The following GRIN2B variants were observed in gnomAD, a reference collection of about 807,000 sequenced individuals.
The protein encoded by GRIN2B is glutamate receptor ionotropic, NMDA 2B.
Under a neutral mutation model 114.5 loss-of-function variants are expected in GRIN2B, and 5 were observed. The observed-to-expected ratio is 0.04, with a 90% CI of 0.02 to 0.09. The LOEUF is 0.09. Ranked by LOEUF, GRIN2B falls within the 10% of genes least tolerant of loss-of-function variation. The pLI, the probability that GRIN2B is intolerant of heterozygous loss-of-function variation, is 1.00. For missense variants in GRIN2B, 1,108 were observed against 1,943.5 expected (o/e 0.57, Z 8.08); for synonymous variants, 787 against 745.1 (o/e 1.06, Z -0.92).
intron 4 of GRIN2B, among the ~76,000 whole-genome samples, chr12:13,680,619 A>G (rs10492132): frequency 0.3 from 44,849 of 151,958 alleles, 7,024 homozygotes; most frequent in African/African-American, 0.36. Context: ...AATTATCCAT[A>G]GAGAACCTTC....
chr12:13,765,539 G>A (rs1259556730), intron 3 of GRIN2B, among the ~76,000 whole-genome samples: 1 of 152,176 alleles, frequency 6.6e-6, no homozygotes, highest in Admixed American at 6.5e-5. Context: ...GATGGATGAT[G>A]GTTTGTCATT....
At chr12:13,585,939 C>CTT (rs1307345833) in intron 10 of GRIN2B, among the ~76,000 whole-genome samples, 2 of 152,204 alleles carry the variant, frequency 1.3e-5, no homozygotes, top group African/African-American at 2.4e-5. Context: ...ATGTCTCAGG[C>CTT]TTTTAGGACT....
Position 13,608,696 on chromosome 12 carries a change from A to G in GRIN2B, c.1917T>C (p.Ala639=). ...CAGTGTAGCTGGCCAGGAAGATGAC[A>G]GCAAAGAAGGCCCACACTGACACCA... is the stretch of plus-strand genomic sequence containing the variant. The part of the protein sequence containing the change: ...KIMVSVWAFF[A]VIFLASYTAN... The change falls in exon 10 of 14, where the codon GCT becomes GCC. Residue 639 remains alanine (A), a synonymous_variant. Coordinates refer to ENST00000609686, the MANE Select transcript of GRIN2B (RefSeq NM_000834.5). 6.2e-7 allele frequency: 1 copy of G among 1,614,188 alleles called. No homozygotes were observed. Among genetic ancestry groups the G allele is most frequent in the Non-Finnish European group, 8.5e-7 (1 of 1,180,006 alleles).
At chr12:13,568,459 C>T (rs1948668199) in intron 12 of GRIN2B, among the ~76,000 whole-genome samples, 1 of 152,208 alleles carries the variant, frequency 6.6e-6, no homozygotes, top group African/African-American at 2.4e-5. Flanking sequence ...GACAGCTACA[C>T]TAAAATTACA....
intron 2 of GRIN2B, among the ~76,000 whole-genome samples, chr12:13,977,097 A>G (rs1344441425): frequency 2.0e-5 from 3 of 152,232 alleles, no homozygotes; most frequent in Non-Finnish European, 2.9e-5. Context: ...GCTCTTCTCA[A>G]TCAGCCTTAA....
chr12:13,671,019 T>A (rs1324143585), intron 5 of GRIN2B, among the ~76,000 whole-genome samples: 1 of 152,112 alleles, frequency 6.6e-6, no homozygotes, highest in Non-Finnish European at 1.5e-5. Flanking sequence ...ACATAAGAAA[T>A]TGGCAATAAC....
chr12:13,900,831 C>A (rs190785359), intron 2 of GRIN2B, among the ~76,000 whole-genome samples: 2 of 152,084 alleles, frequency 1.3e-5, no homozygotes, highest in Non-Finnish European at 2.9e-5. Context: ...TAGCATACTT[C>A]TGAGATTTGG....
chr12:13,548,685 C>A lies in GRIN2B; in HGVS notation c.*14098G>T, dbSNP rs1195122424. On this transcript the variant is annotated 3_prime_UTR_variant, in exon 14 of 14. Coordinates refer to ENST00000609686, the MANE Select transcript of GRIN2B (RefSeq NM_000834.5). ...AATAGCTACTGCCCCTCTCTCTTAG[C>A]TTACTATGATAACACGATTTTATGT... is the stretch of plus-strand genomic sequence containing the variant. 1 of 152,076 alleles carries A rather than the reference C, an allele frequency of 6.6e-6. No individual in the cohort carries two copies. The highest frequency in any genetic ancestry group is 1.5e-5 in the Non-Finnish European group (1 of 68,006). 9.4% of individuals were successfully genotyped at this position (152,076 alleles called of 1,614,324 possible).
chr12:13,849,942 T>A (rs1394319953), intron 3 of GRIN2B, among the ~76,000 whole-genome samples: 1 of 152,118 alleles, frequency 6.6e-6, no homozygotes, highest in East Asian at 1.9e-4. Context: ...CTCACACAGA[T>A]ATCTTCCAAA....
At chr12:13,910,224 T>C (rs566929614) in intron 2 of GRIN2B, among the ~76,000 whole-genome samples, 8 of 152,332 alleles carry the variant, frequency 5.3e-5, no homozygotes, top group African/African-American at 1.9e-4. Flanking sequence ...GATGGATGAA[T>C]ATGTTGTGTG....
intron 5 of GRIN2B, among the ~76,000 whole-genome samples, chr12:13,629,966 C>T (rs1949603648): frequency 6.6e-6 from 1 of 152,122 alleles, no homozygotes; most frequent in South Asian, 2.1e-4. Flanking sequence ...GCCAAAATAC[C>T]GTGTGCATAT....
chr12:13,785,337 T>C (rs1864205612), intron 3 of GRIN2B, among the ~76,000 whole-genome samples: 1 of 152,226 alleles, frequency 6.6e-6, no homozygotes. Flanking sequence ...ACTCCCCTCC[T>C]TAAAAAGTTT....
At chr12:13,861,960 C>T (rs1865759611) in intron 3 of GRIN2B, among the ~76,000 whole-genome samples, 1 of 152,160 alleles carries the variant, frequency 6.6e-6, no homozygotes, top group Admixed American at 6.5e-5. Context: ...CTCGACAACC[C>T]TGTAATCAAC....
At chr12:13,928,872 T>C (rs1866967101) in intron 2 of GRIN2B, among the ~76,000 whole-genome samples, 1 of 152,210 alleles carries the variant, frequency 6.6e-6, no homozygotes, top group Non-Finnish European at 1.5e-5. Flanking sequence ...TCAGGTACTG[T>C]CCCAGGACAA....
chr12:13,573,360 AGAATG>A (rs1314799091), intron 10 of GRIN2B, among the ~76,000 whole-genome samples: 1 of 149,072 alleles, frequency 6.7e-6, no homozygotes, highest in Non-Finnish European at 1.5e-5. Context: ...CTGAGGCAGG[AGAATG>A]GCATGAACCC....
chr12:13,880,731 T>C (rs1200155582), intron 2 of GRIN2B, among the ~76,000 whole-genome samples: 4 of 152,242 alleles, frequency 2.6e-5, no homozygotes, highest in African/African-American at 9.6e-5. Flanking sequence ...TTTTCTTCTC[T>C]ACACGAAAAC....
intron 2 of GRIN2B, among the ~76,000 whole-genome samples, chr12:13,928,977 T>G (rs1320599008): frequency 1.3e-5 from 2 of 152,196 alleles, no homozygotes; most frequent in Non-Finnish European, 2.9e-5. Context: ...ACTAATTTAG[T>G]CCCCACAACA....
chr12:13,891,311 C>A (rs185804496), intron 2 of GRIN2B, among the ~76,000 whole-genome samples: 5 of 152,100 alleles, frequency 3.3e-5, no homozygotes, highest in Admixed American at 3.3e-4. Flanking sequence ...TTCCTTGCAT[C>A]CCCCTGCACC....
intron 2 of GRIN2B, among the ~76,000 whole-genome samples, chr12:13,887,227 A>G (rs1025905301): frequency 2.6e-5 from 4 of 152,256 alleles, no homozygotes; most frequent in African/African-American, 4.8e-5. Flanking sequence ...TTTTTTAAAA[A>G]GCACAGATGT....
Sources: gnomAD v4.1 joint callset for allele counts (sites outside exome capture counted in the v4.1 genomes callset) on GRCh38, gnomAD v4.1.1 for gene constraint, MANE v1.5 for transcripts, NCBI Gene and HGNC (gene_info 2026-07-23, HGNC 2026-07-21) for gene names.